Variants in NRG4 observed in about 807,000 individuals in gnomAD.
NRG4 encodes the protein neuregulin 4, also known as pro-neuregulin-4, membrane-bound isoform.
NRG4 carries 10 observed loss-of-function variants against 15.0 expected under a neutral mutation model. The observed-to-expected ratio is 0.67, with a 90% confidence interval of 0.41 to 1.13. The LOEUF is 1.13. Among genes scored for constraint, NRG4 ranks in the 50% most tolerant of loss-of-function variants. The probability of loss-of-function intolerance (pLI) is 0.00; values close to 1 mark genes in which losing one functional copy is unlikely to be tolerated. For synonymous variants in NRG4, 41 were observed against 50.1 expected (o/e 0.82, Z 0.77); for missense variants, 139 against 140.2 (o/e 0.99, Z 0.04).
chr15:75,977,710 C>T lies in NRG4; in HGVS notation c.105-15736G>A, dbSNP rs2141845178. ...AGTTGGAAATGCAGAAATCACCTGCCTTCTGCATTGGTCTCGCTGGGAGCT... is the reference window on the plus strand; with the variant it reads ...AGTTGGAAATGCAGAAATCACCTGCTTTCTGCATTGGTCTCGCTGGGAGCT... On this transcript the variant is annotated intron_variant, in intron 3 of 5. Transcript: ENST00000394907. This position sits in a 1 kb window ranked among gnomAD's most constrained non-coding sequence, Gnocchi z 4.9. Among the ~76,000 whole-genome samples the T allele has an allele frequency of 6.6e-6, 1 of 152,310 alleles. No individual in the cohort carries two copies. Among genetic ancestry groups the T allele is most frequent in the South Asian group, 2.1e-4 (1 of 4,818 alleles).
At position 76,056,316 on chromosome 15, in the gene NRG4, G is replaced by A. The variant is rs763718228; in HGVS notation, c.-262+638C>T. Among the ~76,000 whole-genome samples the A allele has an allele frequency of 3.2e-4, 48 of 152,154 alleles. 1 individual carries two copies. The highest frequency in any genetic ancestry group is 4.6e-4 in the Non-Finnish European group (31 of 67,978). ...AAAAAAAAAATACAAAATTAGCTGG[G>A]TGTGCTGGCGCATGCCTGTAATCCC... On this transcript the variant is annotated intron_variant, in intron 2 of 8. Coordinates refer to the NRG4 transcript ENST00000563910.
intron 3 of NRG4, chr15:76,052,311 T>A (rs1294029850): frequency 6.6e-6 from 1 of 151,192 alleles, no homozygotes; most frequent in Non-Finnish European, 1.5e-5. Flanking sequence ...AAAGGACTTT[T>A]TAGTAAGAAG....
chr15:75,952,545 C>T (rs766546385), intron 5 of NRG4, among the ~76,000 whole-genome samples: 3 of 148,522 alleles, frequency 2.0e-5, no homozygotes, highest in East Asian at 2.0e-4. Context: ...CTATGTGCTA[C>T]GAACATTCAT....
rs143258762 is a variant in NRG4 at position 76,005,960 on chromosome 15, G to A, written c.104+3240C>T. On this transcript the variant is annotated intron_variant, in intron 3 of 5. Transcript: ENST00000394907. ...GGCCAAATGGTAGAAGGCTGAAAGAGCTAGGCTAAAAAGTAAGGTATTATT... is the reference window on the plus strand; with the variant it reads ...GGCCAAATGGTAGAAGGCTGAAAGAACTAGGCTAAAAAGTAAGGTATTATT... Among the ~76,000 whole-genome samples the A allele has an allele frequency of 3.9e-4, 59 of 152,260 alleles. No homozygotes were observed. The East Asian group carries it at 0.011, about 29-fold the overall frequency.
chr15:75,943,640 A>G lies in NRG4; in HGVS notation c.346T>C (p.Ter116ArgextTer22). Residue 116 changes from the stop codon to arginine (R), a stop_lost, in exon 6 of 6, where the codon TGA becomes CGA. Coordinates refer to ENST00000394907, the MANE Select transcript of NRG4 (RefSeq NM_138573.4). ...ATTTGGTTCACTTTGACGTTTCTTC[A>G]GTGTTGTTCATGACCTGTGAAAAAT... ...TSAHHSHEQH[*>R] is the part of the protein sequence containing the mutation. The G allele has an allele frequency of 1.3e-6, 2 of 1,576,370 alleles. No homozygotes were observed. The highest frequency in any genetic ancestry group is 1.7e-6 in the Non-Finnish European group (2 of 1,147,756).
chr15:75,994,539 A>C (rs1181567284), intron 3 of NRG4, among the ~76,000 whole-genome samples: 1 of 152,186 alleles, frequency 6.6e-6, no homozygotes, highest in African/African-American at 2.4e-5. Context: ...TTCTTCAAAT[A>C]GTGTTTATAC....
chr15:75,959,465 A>G (rs955855186), intron 4 of NRG4, among the ~76,000 whole-genome samples: 4 of 151,312 alleles, frequency 2.6e-5, no homozygotes, highest in Non-Finnish European at 5.9e-5. Context: ...ATATATGTAA[A>G]TAAATATATA....
intron 4 of NRG4, among the ~76,000 whole-genome samples, chr15:76,038,845 G>A (rs992630196): frequency 1.3e-5 from 2 of 152,226 alleles, no homozygotes; most frequent in Admixed American, 1.3e-4. Context: ...ACCCAGCACA[G>A]TCCCACTGGT....
intron 3 of NRG4, among the ~76,000 whole-genome samples, chr15:75,993,654 G>A (rs1054273798): frequency 9.9e-5 from 15 of 151,058 alleles, no homozygotes; most frequent in East Asian, 3.9e-4. Context: ...AGCTGAGATC[G>A]TGCCACTGCA....
rs771914414 is a variant in NRG4, at chr15:76,005,339, G to A, written c.104+3861C>T. On this transcript the variant is annotated intron_variant, in intron 3 of 5. Transcript: ENST00000394907. ...TGAGGTTGCAGTGAACTATGATCAA[G>A]CCACTGCACTTCAGCCTGGGCAACA... Among the ~76,000 whole-genome samples the A allele has an allele frequency of 2.8e-5, 4 of 145,082 alleles. 1 individual carries two copies. Among genetic ancestry groups the A allele is most frequent in the Non-Finnish European group, 6.0e-5 (4 of 66,892 alleles).
At chr15:76,054,417 TTTTG>T (rs2036101731) in intron 2 of NRG4, among the ~76,000 whole-genome samples, 1 of 151,844 alleles carries the variant, frequency 6.6e-6, no homozygotes, top group African/African-American at 2.4e-5. Context: ...TTTTGTTTTG[TTTTG>T]TTTGTTTTTT....
intron 5 of NRG4, among the ~76,000 whole-genome samples, chr15:75,949,254 A>G (rs1161208489): frequency 2.0e-5 from 3 of 152,142 alleles, no homozygotes; most frequent in African/African-American, 7.2e-5. Flanking sequence ...ACCGAAAAAT[A>G]CAAAACACTA....
At chr15:75,973,732 G>A (rs1344003306) in intron 3 of NRG4, among the ~76,000 whole-genome samples, 4 of 152,120 alleles carry the variant, frequency 2.6e-5, no homozygotes, top group Non-Finnish European at 5.9e-5. Context: ...TGATCGTGGT[G>A]GATAAGCTTT....
chr15:76,041,396 C>A (rs2035733732), intron 4 of NRG4, among the ~76,000 whole-genome samples: 1 of 150,186 alleles, frequency 6.7e-6, no homozygotes. Context: ...ACAAAAAACC[C>A]AAAAAAAACC....
At chr15:76,060,203 C>G (rs2036271168), upstream of NRG4, among the ~76,000 whole-genome samples, 2 of 151,986 alleles carry the variant, frequency 1.3e-5, no homozygotes, top group Admixed American at 1.3e-4. Context: ...TGGGGCAGCC[C>G]AGGGCTTCAG....
In NRG4 at chr15:76,023,756, G is replaced by C. The variant is rs760885088; in HGVS notation, c.-57+12188C>G. On this transcript the variant is annotated intron_variant, in intron 5 of 8. Coordinates refer to the NRG4 transcript ENST00000563910. Reference sequence around the variant, plus strand: ...CTGATGCCATAACCCCAGCTGTGCAGAGCCTGGGTCCAGGATGGGTTGCAA... The same window carrying C: ...CTGATGCCATAACCCCAGCTGTGCACAGCCTGGGTCCAGGATGGGTTGCAA... Among the ~76,000 whole-genome samples, 3 of 152,194 alleles carry C rather than the reference G, an allele frequency of 2.0e-5. 1 individual carries two copies. Among genetic ancestry groups the C allele is most frequent in the South Asian group, 4.1e-4 (2 of 4,824 alleles).
intron 4 of NRG4, among the ~76,000 whole-genome samples, chr15:76,044,195 G>T (rs1030010659): frequency 6.6e-6 from 1 of 150,506 alleles, no homozygotes; most frequent in African/African-American, 2.5e-5. Context: ...GTAGAGACAG[G>T]GTTTCACCTT....
chr15:75,948,377 T>G (rs1293418337), intron 5 of NRG4, among the ~76,000 whole-genome samples: 1 of 152,036 alleles, frequency 6.6e-6, no homozygotes, highest in African/African-American at 2.4e-5. Flanking sequence ...TCGGCTCACT[T>G]CATCCTCCGC....
intron 5 of NRG4, among the ~76,000 whole-genome samples, chr15:76,030,853 T>C (rs1296939251): frequency 6.6e-6 from 1 of 152,214 alleles, no homozygotes; most frequent in Non-Finnish European, 1.5e-5. Flanking sequence ...ATCTTTTAGA[T>C]ACTGAAGAAT....
Sources: allele counts gnomAD v4.1 joint callset (sites outside exome capture counted in the v4.1 genomes callset), GRCh38; gene constraint gnomAD v4.1.1; non-coding constraint Gnocchi (gnomAD v3.1); transcripts MANE v1.5; gene names NCBI Gene and HGNC (gene_info 2026-07-23, HGNC 2026-07-21).